ANO2: variants seen among roughly 807,000 people sequenced by gnomAD.
ANO2 encodes the protein anoctamin-2.
A neutral mutation model predicts 124.2 loss-of-function variants in ANO2; 101 were observed. The observed-to-expected ratio is 0.81, with a 90% CI of 0.69 to 0.96. The LOEUF is 0.96. ANO2 is among the 40% of genes least tolerant of loss of function. ANO2 has a pLI of 0.00. For missense variants in ANO2, 1,293 were observed against 1,274.5 expected, an observed-to-expected ratio of 1.01 and a Z score of -0.22; for synonymous variants, 486 against 482.5, an observed-to-expected ratio of 1.01 and a Z score of -0.09.
rs146518026 is a variant in ANO2 at position 5,640,597 on chromosome 12, T to C, written c.1621-5250A>G. 8.1e-4 allele frequency among the ~76,000 whole-genome samples: 123 copies of C among 152,274 alleles called. 1 individual carries two copies. In the East Asian group the frequency reaches 0.023, roughly 28 times the overall value. ...ACAGACACTTCTCAAAAGAAGACAT[T>C]TATGCAGCCAACAGACACATGAAAA... On this transcript the variant is annotated intron_variant, in intron 15 of 24. Transcript: ENST00000682330.
chr12:5,784,503 G>A (rs1347031021), intron 10 of ANO2, among the ~76,000 whole-genome samples: 1 of 152,204 alleles, frequency 6.6e-6, no homozygotes, highest in Admixed American at 6.5e-5. Context: ...CCACATGGGT[G>A]GCTGCTTACT....
In ANO2 at chr12:5,854,259, C is replaced by A; in HGVS notation, c.535-118G>T. The A allele has an allele frequency of 2.2e-6, 2 of 905,928 alleles. 1 individual carries two copies. The highest frequency in any genetic ancestry group is 3.1e-5 in the South Asian group (2 of 65,180). The allele number at this position is 905,928 out of a possible 1,614,324, so 56.1% of individuals were successfully genotyped here. ...CCGTTGTTCTTCAGTTTCTCGTTTTCGTTCTCTTTAAAATTCACCAGGGAC... is the reference window on the plus strand; with the variant it reads ...CCGTTGTTCTTCAGTTTCTCGTTTTAGTTCTCTTTAAAATTCACCAGGGAC... On this transcript the variant is annotated intron_variant, in intron 3 of 24. Coordinates refer to ENST00000682330, the MANE Select transcript of ANO2 (RefSeq NM_001364791.2).
rs566072796 is a variant in ANO2, at chr12:5,828,320, G to A, written c.841-500C>T. On this transcript the variant is annotated intron_variant, in intron 6 of 24. Coordinates refer to ENST00000682330, the MANE Select transcript of ANO2 (RefSeq NM_001364791.2). ...GGGAGAGCCAGTGTGGTAGCAGAAA[G>A]CTCCGAACGTGGAGGTAGGTGCAGA... Among the ~76,000 whole-genome samples the A allele has an allele frequency of 1.2e-4, 19 of 152,246 alleles. No individual in the cohort carries two copies. In the South Asian group the frequency reaches 1.7e-3, roughly 13 times the overall value.
intron 10 of ANO2, among the ~76,000 whole-genome samples, chr12:5,770,243 G>T (rs1285974331): frequency 8.1e-6 from 1 of 123,660 alleles, no homozygotes; most frequent in African/African-American, 3.5e-5. Flanking sequence ...TATATGATTT[G>T]CCCCAGTTCA....
intron 3 of ANO2, among the ~76,000 whole-genome samples, chr12:5,911,957 G>A (rs1252758526): frequency 1.3e-5 from 2 of 152,212 alleles, no homozygotes; most frequent in Non-Finnish European, 2.9e-5. Flanking sequence ...GCTGGCTAAG[G>A]TGATGCACAG....
At chr12:5,918,427 T>C (rs1458525178) in intron 3 of ANO2, among the ~76,000 whole-genome samples, 6 of 148,278 alleles carry the variant, frequency 4.0e-5, no homozygotes, top group Non-Finnish European at 8.9e-5. Context: ...GAGGAAAGCA[T>C]TAACTTGAAT....
rs56004481 is a variant in ANO2, at chr12:5,922,197, C to T, written c.207+423G>A. On this transcript the variant is annotated intron_variant, in intron 2 of 24. Transcript: ENST00000682330. ...TGAAGCAGGGGAGGGACCGGCCTCT[C>T]CCCGTGGGTGTTTCCCTGTTTATTA... is the stretch of plus-strand genomic sequence containing the variant. Among the ~76,000 whole-genome samples the T allele has an allele frequency of 6.8e-3, 1,032 of 152,318 alleles. 8 individuals carry two copies. The highest frequency in any genetic ancestry group is 0.012 in the Non-Finnish European group (821 of 68,030).
Position 5,563,031 on chromosome 12 carries a change from CA to C in ANO2, c.*267del, listed in dbSNP as rs1303251818. 2 of 502,646 alleles carry C rather than the reference CA, an allele frequency of 4.0e-6. No homozygotes were observed. Among genetic ancestry groups the C allele is most frequent in the African/African-American group, 3.8e-5 (2 of 52,066 alleles). The allele number at this position is 502,646 out of a possible 1,614,324, so 31.1% of individuals were successfully genotyped here. On this transcript the variant is annotated 3_prime_UTR_variant, in exon 25 of 25. Coordinates refer to ENST00000682330, the MANE Select transcript of ANO2 (RefSeq NM_001364791.2). ...CTGAGACTCTGGGGTGGAGAGACCC[CA>C]GTGGGGTTCCAATCCCTCAAAAGGA...
Position 5,583,379 on chromosome 12 carries a change from C to T in ANO2, c.2234-4861G>A, listed in dbSNP as rs1158469790. ...TTTAAAAAAATGCTTTCTGGCTGGGCGCGGTGGCTCACGCCTGTAATCCCA... is the reference window on the plus strand; with the variant it reads ...TTTAAAAAAATGCTTTCTGGCTGGGTGCGGTGGCTCACGCCTGTAATCCCA... On this transcript the variant is annotated intron_variant, in intron 20 of 24. Coordinates refer to ENST00000682330, the MANE Select transcript of ANO2 (RefSeq NM_001364791.2). Among the ~76,000 whole-genome samples the T allele has an allele frequency of 2.0e-5, 3 of 152,078 alleles. No homozygotes were observed. In the South Asian group the frequency reaches 6.2e-4, roughly 32 times the overall value.
intron 14 of ANO2, among the ~76,000 whole-genome samples, chr12:5,711,599 G>C (rs920545821): frequency 2.6e-5 from 4 of 152,144 alleles, no homozygotes; most frequent in African/African-American, 9.7e-5. Flanking sequence ...TTAATTTACT[G>C]ACCAGTTCCC....
In ANO2 at chr12:5,762,831, C is replaced by CA. The variant is rs536387692; in HGVS notation, c.1056-11862_1056-11861insT. ...TTCTTGGAGTATTGATAAGAGATAG[C>CA]GAAAATTTTTTCTTCGCCTTTTAAG... On this transcript the variant is annotated intron_variant, in intron 10 of 24. Transcript: ENST00000682330. Among the ~76,000 whole-genome samples the CA allele has an allele frequency of 1.2e-4, 16 of 136,746 alleles. No homozygotes were observed. In the South Asian group the frequency reaches 3.3e-3, roughly 28 times the overall value. 89.7% of individuals were successfully genotyped at this position (136,746 alleles called of 152,430 possible). A position where few individuals can be genotyped will look rare whatever the true frequency, so the allele number is the denominator to read the frequency against.
chr12:5,721,291 C>T (rs368323387), intron 14 of ANO2, among the ~76,000 whole-genome samples: 10 of 152,126 alleles, frequency 6.6e-5, no homozygotes, highest in African/African-American at 2.2e-4. Flanking sequence ...GAGAGAAGTC[C>T]GTGGGAGGCC....
At chr12:5,563,824 A>T (rs1005829679) in intron 24 of ANO2, among the ~76,000 whole-genome samples, 1 of 152,220 alleles carries the variant, frequency 6.6e-6, no homozygotes, top group African/African-American at 2.4e-5. Context: ...GGCACAGAGC[A>T]GGACTCCATC....
chr12:5,789,540 A>G (rs11063867), intron 10 of ANO2, among the ~76,000 whole-genome samples: 29,123 of 152,196 alleles, frequency 0.19, 3,282 homozygotes, highest in Admixed American at 0.26. Context: ...TGAGCTCCCC[A>G]GTCTCTTCAC....
chr12:5,612,861 G>C, intron 18 of ANO2, 40 bp downstream of exon 18: 2 of 1,612,488 alleles, frequency 1.2e-6, no homozygotes, highest in Non-Finnish European at 1.7e-6. Context: ...ATGGGGCTGG[G>C]TTGGGGTGCC....
intron 7 of ANO2, among the ~76,000 whole-genome samples, chr12:5,815,114 C>T (rs150170453): frequency 7.2e-5 from 11 of 152,198 alleles, no homozygotes; most frequent in African/African-American, 2.4e-4. Flanking sequence ...AACCCAGAAA[C>T]AAGAAAAAAA....
intron 14 of ANO2, among the ~76,000 whole-genome samples, chr12:5,694,251 C>CAGAGAGAG (rs5796182): frequency 0.35 from 47,107 of 133,630 alleles, 9,026 homozygotes; most frequent in Non-Finnish European, 0.43. Context: ...TTACCAGAGA[C>CAGAGAGAG]AGAGAGAGAG....
intron 22 of ANO2, among the ~76,000 whole-genome samples, chr12:5,577,635 G>T (rs1195047804): frequency 6.6e-6 from 1 of 152,354 alleles, no homozygotes; most frequent in East Asian, 1.9e-4. Flanking sequence ...GGAAAGAGAT[G>T]AATAGATATG....
intron 14 of ANO2, among the ~76,000 whole-genome samples, chr12:5,691,251 T>C (rs1480080614): frequency 6.9e-6 from 1 of 144,714 alleles, no homozygotes; most frequent in East Asian, 2.0e-4. Context: ...TCACTTGAAC[T>C]TGGGAGGCGG....
Sources: gnomAD v4.1 joint callset for allele counts (sites outside exome capture counted in the v4.1 genomes callset) on GRCh38, gnomAD v4.1.1 for gene constraint, MANE v1.5 for transcripts, NCBI Gene and HGNC (gene_info 2026-07-23, HGNC 2026-07-21) for gene names.